ARHGAP25: variants seen among roughly 807,000 people sequenced by gnomAD.
ARHGAP25 encodes the protein Rho GTPase activating protein 25.
Under a neutral mutation model 71.0 loss-of-function variants are expected in ARHGAP25, and 34 were observed. The observed-to-expected ratio is 0.48, with a 90% CI of 0.36 to 0.64. ARHGAP25 has a LOEUF of 0.64. Among genes scored for constraint, ARHGAP25 ranks in the 30% least tolerant of loss-of-function variants. The probability of loss-of-function intolerance (pLI) is 0.00; values close to 1 mark genes in which losing one functional copy is unlikely to be tolerated. For synonymous variants in ARHGAP25, 282 were observed against 296.5 expected, an observed-to-expected ratio of 0.95 and a Z score of 0.50; for missense variants, 706 against 805.1, an observed-to-expected ratio of 0.88 and a Z score of 1.49.
At chr2:68,822,165 C>A in intron 9 of ARHGAP25, among the ~76,000 whole-genome samples, 175 bp from the exon 10 acceptor site, 1 of 152,022 alleles carries the variant, frequency 6.6e-6, no homozygotes, top group East Asian at 1.9e-4. Context: ...TCCTTTACTG[C>A]AATATCCTTT....
chr2:68,794,528 A>C (rs1444678257), intron 4 of ARHGAP25, among the ~76,000 whole-genome samples: 6 of 152,162 alleles, frequency 3.9e-5, no homozygotes, highest in Non-Finnish European at 7.4e-5. Context: ...TGAGATGATC[A>C]TATGGCTTTT....
chr2:68,791,438 G>A (rs147384332), intron 4 of ARHGAP25, among the ~76,000 whole-genome samples: 10 of 152,034 alleles, frequency 6.6e-5, no homozygotes, highest in African/African-American at 1.9e-4. Context: ...ATGATGATCA[G>A]CTTATCTGAG....
intron 2 of ARHGAP25, among the ~76,000 whole-genome samples, chr2:68,724,433 G>A (rs963516194): frequency 4.6e-5 from 7 of 152,160 alleles, no homozygotes; most frequent in Non-Finnish European, 1.0e-4. Context: ...CTGCCTCACT[G>A]GGGAAGCTCC....
intron 10 of ARHGAP25, 90 bp downstream of exon 10, chr2:68,822,962 A>G: frequency 1.5e-6 from 2 of 1,350,188 alleles, no homozygotes; most frequent in Non-Finnish European, 2.0e-6. Flanking sequence ...AAGTCACATC[A>G]TAAAGCTTCA....
intron 4 of ARHGAP25, among the ~76,000 whole-genome samples, chr2:68,806,826 G>A (rs1020826103): frequency 1.3e-5 from 2 of 152,168 alleles, no homozygotes; most frequent in South Asian, 2.1e-4. Context: ...GCTTGCTGCC[G>A]TGGTTAAGGC....
chr2:68,785,875 T>C (rs11677065), intron 3 of ARHGAP25, among the ~76,000 whole-genome samples: 71,240 of 152,084 alleles, frequency 0.47, 17,161 homozygotes, highest in African/African-American at 0.57. Flanking sequence ...AGATAAATTA[T>C]GTGCCTGAGG....
At chr2:68,737,355 G>A (rs1393146570) in intron 1 of ARHGAP25, among the ~76,000 whole-genome samples, 4 of 152,170 alleles carry the variant, frequency 2.6e-5, no homozygotes, top group Admixed American at 2.0e-4. Context: ...GTTATGTCAG[G>A]AAAGCTGACA....
chr2:68,775,633 A>G, intron 2 of ARHGAP25: 1 of 753,182 alleles, frequency 1.3e-6, no homozygotes, highest in Admixed American at 2.1e-5. Context: ...CAGGACGGGC[A>G]CTGTGGAGTT....
intron 5 of ARHGAP25, among the ~76,000 whole-genome samples, chr2:68,812,873 A>C (rs1373706179): frequency 2.0e-5 from 3 of 152,248 alleles, no homozygotes; most frequent in African/African-American, 4.8e-5. Context: ...AACTATTTTA[A>C]GCACTCTGGA....
intron 3 of ARHGAP25, among the ~76,000 whole-genome samples, chr2:68,784,132 A>C (rs1381063535): frequency 2.6e-5 from 4 of 152,092 alleles, no homozygotes; most frequent in Non-Finnish European, 5.9e-5. Flanking sequence ...AGGAATTCAC[A>C]AACAGATCCT....
chr2:68,826,104 C>T lies in ARHGAP25; in HGVS notation c.1851C>T (p.Ser617=), dbSNP rs1682111924. Residue 617 remains serine (S), a synonymous_variant, in exon 11 of 11, where the codon TCC becomes TCT. Coordinates refer to ENST00000409202, the MANE Select transcript of ARHGAP25 (RefSeq NM_001007231.3). ...TCAGCCTCCGCAACATGGAGCGCTC[C>T]CGGGAGGATGTTGAGAAGAGGAACA... is the stretch of plus-strand genomic sequence containing the variant. ...LEISLRNMER[S]REDVEKRNKA... 6.2e-7 allele frequency: 1 copy of T among 1,613,966 alleles called. No individual in the cohort carries two copies. The highest frequency in any genetic ancestry group is 8.5e-7 in the Non-Finnish European group (1 of 1,179,996).
chr2:68,803,706 G>A (rs1680167485), intron 4 of ARHGAP25, among the ~76,000 whole-genome samples: 1 of 151,958 alleles, frequency 6.6e-6, no homozygotes, highest in Non-Finnish European at 1.5e-5. Context: ...CATCCTAGAT[G>A]AAAGGTAGGG....
chr2:68,814,959 A>T (rs1681093403), intron 6 of ARHGAP25, among the ~76,000 whole-genome samples: 1 of 152,254 alleles, frequency 6.6e-6, no homozygotes, highest in African/African-American at 2.4e-5. Flanking sequence ...CCATTGTGAA[A>T]GTAATAAAAT....
At chr2:68,731,997 T>A (rs1675034265), upstream of ARHGAP25, among the ~76,000 whole-genome samples, 1 of 152,102 alleles carries the variant, frequency 6.6e-6, no homozygotes. Flanking sequence ...CCAGCAAAAA[T>A]TTGGTCCTTA....
chr2:68,816,128 T>G, intron 6 of ARHGAP25, 161 bp from the exon 7 acceptor site: 1 of 651,516 alleles, frequency 1.5e-6, no homozygotes, highest in Non-Finnish European at 2.7e-6. Flanking sequence ...ATTGAGTTAT[T>G]TCCCTTTTTT....
chr2:68,742,409 G>A (rs1675568434), intron 1 of ARHGAP25, among the ~76,000 whole-genome samples: 2 of 152,334 alleles, frequency 1.3e-5, no homozygotes, highest in South Asian at 4.1e-4. Context: ...TTAAAAAGCT[G>A]GCTTTGGGGC....
intron 1 of ARHGAP25, among the ~76,000 whole-genome samples, chr2:68,742,188 T>A (rs997250993): frequency 6.6e-6 from 1 of 152,244 alleles, no homozygotes; most frequent in Admixed American, 6.5e-5. Flanking sequence ...GATACCCCAC[T>A]GCTGGAATTT....
intron 5 of ARHGAP25, among the ~76,000 whole-genome samples, chr2:68,809,012 G>A (rs1381524409): frequency 2.0e-5 from 3 of 152,150 alleles, no homozygotes; most frequent in Non-Finnish European, 4.4e-5. Flanking sequence ...GTCATCGGGG[G>A]CTTTTCAGGG....
At chr2:68,817,748 C>A in intron 7 of ARHGAP25, 125 bp from the exon 8 acceptor site, 2 of 1,197,922 alleles carry the variant, frequency 1.7e-6, no homozygotes, top group Middle Eastern at 2.3e-4. Flanking sequence ...GCAGAGCAGG[C>A]TGGTCTCATT....
Sources: allele counts gnomAD v4.1 joint callset (sites outside exome capture counted in the v4.1 genomes callset), GRCh38; gene constraint gnomAD v4.1.1; transcripts MANE v1.5; gene names NCBI Gene and HGNC (gene_info 2026-07-23, HGNC 2026-07-21).